CDH13: variants seen among roughly 807,000 people sequenced by gnomAD.
The protein encoded by CDH13 is cadherin-13.
Under a neutral mutation model 63.8 loss-of-function variants are expected in CDH13, and 24 were observed. The observed-to-expected ratio is 0.38, with a 90% CI of 0.27 to 0.53. The LOEUF is 0.53. Ranked by LOEUF, CDH13 falls within the 20% of genes least tolerant of loss-of-function variation. The pLI is 0.85. For synonymous variants in CDH13, 503 were observed against 355.3 expected (o/e 1.42, Z -4.67); for missense variants, 1,049 against 903.1 (o/e 1.16, Z -2.07).
At chr16:83,607,353 G>C (rs1003633572) in intron 8 of CDH13, among the ~76,000 whole-genome samples, 9 of 151,982 alleles carry the variant, frequency 5.9e-5, no homozygotes, top group African/African-American at 2.2e-4. Flanking sequence ...CAGGGAGTCA[G>C]AGGTTGCAGT....
intron 6 of CDH13, among the ~76,000 whole-genome samples, chr16:83,351,676 C>T (rs56342137): frequency 8.5e-5 from 13 of 152,180 alleles, no homozygotes; most frequent in Admixed American, 5.2e-4. Context: ...ATCAATTCTG[C>T]AGAAGAGAGC....
At chr16:83,224,829 C>T (rs570901301) in intron 5 of CDH13, among the ~76,000 whole-genome samples, 3 of 152,324 alleles carry the variant, frequency 2.0e-5, no homozygotes, top group South Asian at 4.1e-4. Context: ...GTTTATCACT[C>T]AGCCCAGTCA....
chr16:83,599,345 C>T (rs1907566133), intron 7 of CDH13, among the ~76,000 whole-genome samples: 1 of 152,168 alleles, frequency 6.6e-6, no homozygotes, highest in Admixed American at 6.5e-5. Context: ...CTTTAGAGAC[C>T]AGCCCTGTCT....
chr16:83,631,088 C>G (rs1262186576), intron 8 of CDH13, among the ~76,000 whole-genome samples: 1 of 152,198 alleles, frequency 6.6e-6, no homozygotes. Flanking sequence ...TTCCTCAGTT[C>G]TGCATTTGCT....
At chr16:82,779,645 C>T (rs1213138836) in intron 1 of CDH13, among the ~76,000 whole-genome samples, 1 of 152,180 alleles carries the variant, frequency 6.6e-6, no homozygotes, top group Admixed American at 6.5e-5. Context: ...TTACCTGTAA[C>T]CGACAGCTCT....
intron 10 of CDH13, among the ~76,000 whole-genome samples, chr16:83,714,300 ATT>A: frequency 6.6e-6 from 1 of 152,260 alleles, no homozygotes; most frequent in African/African-American, 2.4e-5. Context: ...TAAAAGATTG[ATT>A]TTTATTATCG....
intron 6 of CDH13, among the ~76,000 whole-genome samples, chr16:83,415,846 G>C (rs1208250385): frequency 6.6e-6 from 1 of 152,118 alleles, no homozygotes; most frequent in African/African-American, 2.4e-5. Context: ...TCAGAAACAA[G>C]ATAGGGATAC....
chr16:83,614,374 G>T (rs575253365), intron 8 of CDH13, among the ~76,000 whole-genome samples: 3 of 152,274 alleles, frequency 2.0e-5, no homozygotes, highest in Middle Eastern at 3.4e-3. Flanking sequence ...CACTTTGGCC[G>T]ACCTTGCATT....
intron 1 of CDH13, among the ~76,000 whole-genome samples, chr16:82,827,223 C>CAG (rs954803013): frequency 6.6e-6 from 1 of 152,154 alleles, no homozygotes; most frequent in Non-Finnish European, 1.5e-5. Context: ...ATTTCCCAGA[C>CAG]AGAGAGAGAG....
At chr16:82,805,550 C>T (rs1410051130) in intron 1 of CDH13, among the ~76,000 whole-genome samples, 1 of 152,096 alleles carries the variant, frequency 6.6e-6, no homozygotes, top group East Asian at 1.9e-4. Flanking sequence ...GGGCCAATGA[C>T]AGATAGTTGA....
intron 10 of CDH13, among the ~76,000 whole-genome samples, chr16:83,740,822 G>A (rs1427440113): frequency 6.6e-6 from 1 of 152,178 alleles, no homozygotes; most frequent in Non-Finnish European, 1.5e-5. Context: ...CCCTGCCCAG[G>A]CCACTCACTG....
chr16:83,312,901 A>C (rs1225905201), intron 5 of CDH13, among the ~76,000 whole-genome samples: 1 of 152,208 alleles, frequency 6.6e-6, no homozygotes, highest in Non-Finnish European at 1.5e-5. Flanking sequence ...CAGTCCTGGC[A>C]CCATAGCTGT....
chr16:82,960,996 G>A (rs1906894761), intron 2 of CDH13, among the ~76,000 whole-genome samples: 1 of 152,144 alleles, frequency 6.6e-6, no homozygotes, highest in African/African-American at 2.4e-5. Flanking sequence ...ATTGGGTTCT[G>A]CCTTGGCAAC....
At position 83,495,051 on chromosome 16, in the gene CDH13, A is replaced by G. The variant is rs568607318; in HGVS notation, c.960+8396A>G. ...TCTTGGCCAACAGGCAAACTTGAAG[A>G]TATTATTATCAACAGAAAGAGTCAA... On this transcript the variant is annotated intron_variant, in intron 7 of 13. Transcript: ENST00000567109. Among the ~76,000 whole-genome samples the G allele has an allele frequency of 1.6e-4, 25 of 152,270 alleles. No individual in the cohort carries two copies. In the South Asian group the frequency reaches 4.8e-3, roughly 29 times the overall value.
At chr16:82,811,218 A>G (rs961290420) in intron 1 of CDH13, among the ~76,000 whole-genome samples, 10 of 152,104 alleles carry the variant, frequency 6.6e-5, no homozygotes. Context: ...AGTGATGCCA[A>G]ATTGGTAGCT....
chr16:82,763,247 A>C (rs2034921813), intron 1 of CDH13, among the ~76,000 whole-genome samples: 1 of 152,144 alleles, frequency 6.6e-6, no homozygotes, highest in Non-Finnish European at 1.5e-5. Context: ...TACATAAATC[A>C]ACGTGCCTCC....
intron 5 of CDH13, among the ~76,000 whole-genome samples, chr16:83,287,641 C>T (rs943894975): frequency 6.6e-6 from 1 of 152,180 alleles, no homozygotes; most frequent in African/African-American, 2.4e-5. Flanking sequence ...GCTCAGGGCT[C>T]TCACTGATTC....
intron 2 of CDH13, among the ~76,000 whole-genome samples, chr16:82,927,239 T>G (rs2042333201): frequency 6.6e-6 from 1 of 152,144 alleles, no homozygotes; most frequent in Non-Finnish European, 1.5e-5. Flanking sequence ...TACCATATTT[T>G]ATAGCAGTTG....
intron 10 of CDH13, among the ~76,000 whole-genome samples, chr16:83,736,315 C>T (rs1911534835): frequency 6.6e-6 from 1 of 152,164 alleles, no homozygotes; most frequent in African/African-American, 2.4e-5. Context: ...CGGATAGCTT[C>T]TGAAGTCTCA....
Sources: allele counts gnomAD v4.1 joint callset (sites outside exome capture counted in the v4.1 genomes callset), GRCh38; gene constraint gnomAD v4.1.1; transcripts MANE v1.5; gene names NCBI Gene and HGNC (gene_info 2026-07-23, HGNC 2026-07-21).